Variants in PLXNA4 observed in about 807,000 individuals in gnomAD.
PLXNA4 encodes the protein plexin A4, also known as plexin-A4.
PLXNA4 carries 44 observed loss-of-function variants against 191.8 expected under a neutral mutation model. The observed-to-expected ratio is 0.23, with a 90% CI of 0.18 to 0.29. The LOEUF (loss-of-function observed/expected upper bound fraction) is 0.29. Ranked by LOEUF, PLXNA4 falls within the 10% of genes least tolerant of loss-of-function variation. The pLI, the probability that PLXNA4 is intolerant of heterozygous loss-of-function variation, is 1.00. For synonymous variants in PLXNA4, 1,082 were observed against 1,009.5 expected (o/e 1.07, Z -1.36); for missense variants, 1,800 against 2,488.8 (o/e 0.72, Z 5.89).
chr7:132,535,547 G>A (rs1326933877), intron 1 of PLXNA4, among the ~76,000 whole-genome samples: 1 of 152,070 alleles, frequency 6.6e-6, no homozygotes, highest in African/African-American at 2.4e-5. Context: ...AAGGAAAGGG[G>A]TCCCTTGGTA....
intron 4 of PLXNA4, among the ~76,000 whole-genome samples, chr7:132,297,457 C>A (rs775915385): frequency 6.6e-6 from 1 of 152,168 alleles, no homozygotes; most frequent in Non-Finnish European, 1.5e-5. Flanking sequence ...AAACTCACTT[C>A]GTTCTCAGCT....
At chr7:132,279,028 T>A (rs2116380793) in intron 4 of PLXNA4, among the ~76,000 whole-genome samples, 1 of 152,314 alleles carries the variant, frequency 6.6e-6, no homozygotes, top group Non-Finnish European at 1.5e-5. Flanking sequence ...TAACAATGAC[T>A]GAATAGTAAG....
At chr7:132,588,709 G>A (rs1402031123) in intron 2 of PLXNA4, among the ~76,000 whole-genome samples, 1 of 135,452 alleles carries the variant, frequency 7.4e-6, no homozygotes. Context: ...GGAGGGGAGA[G>A]GAAGAAAAAA....
chr7:132,497,122 G>GCACA (rs34913954), intron 2 of PLXNA4, among the ~76,000 whole-genome samples: 112,172 of 150,204 alleles, frequency 0.75, 43,695 homozygotes, highest in Non-Finnish European at 0.86. Context: ...GTGCACGCAC[G>GCACA]CACACACACA....
intron 13 of PLXNA4, among the ~76,000 whole-genome samples, chr7:132,195,637 A>T (rs1361312706): frequency 1.3e-5 from 2 of 152,168 alleles, no homozygotes; most frequent in African/African-American, 2.4e-5. Flanking sequence ...TGGGGGAAAA[A>T]ATCTCATTTT....
In PLXNA4 at chr7:132,439,464, A is replaced by G. The variant is rs996179987; in HGVS notation, c.1371+49828T>C. ...AAATACACAATATATCCATACATAC[A>G]TGTGCATGCATATACACACATATGC... On this transcript the variant is annotated intron_variant, in intron 3 of 31. Coordinates refer to ENST00000321063, the MANE Select transcript of PLXNA4 (RefSeq NM_020911.2). Among the ~76,000 whole-genome samples, 20 of 150,532 alleles carry G rather than the reference A, an allele frequency of 1.3e-4. No individual in the cohort carries two copies. The Admixed American group carries it at 1.3e-3, about 10-fold the overall frequency.
rs1803363545 is a variant in PLXNA4 at position 132,626,012 on chromosome 7, C to T, written c.-87+19916G>A. 2.0e-5 allele frequency among the ~76,000 whole-genome samples: 3 copies of T among 152,170 alleles called. 1 individual carries two copies. In the South Asian group the frequency reaches 6.2e-4, roughly 31 times the overall value. Reference sequence around the variant, plus strand: ...AAGCAGGTCTTCTCCCCTCACAGGCCTCTCTATTCAGTTTATCCCAAACTG... The same window carrying T: ...AAGCAGGTCTTCTCCCCTCACAGGCTTCTCTATTCAGTTTATCCCAAACTG... On this transcript the variant is annotated intron_variant, in intron 2 of 4. Transcript: ENST00000378539.
chr7:132,506,665 T>C (rs1264287733), intron 2 of PLXNA4, among the ~76,000 whole-genome samples: 1 of 152,186 alleles, frequency 6.6e-6, no homozygotes, highest in Non-Finnish European at 1.5e-5. Context: ...TGAGCTAGGC[T>C]GTGACAGGCA....
At chr7:132,378,253 T>C (rs1270036410) in intron 3 of PLXNA4, among the ~76,000 whole-genome samples, 1 of 152,202 alleles carries the variant, frequency 6.6e-6, no homozygotes, top group Non-Finnish European at 1.5e-5. Flanking sequence ...TCTAGTGTTC[T>C]CAAGTCGTGG....
At chr7:132,565,656 C>A (rs1443658865) in intron 1 of PLXNA4, among the ~76,000 whole-genome samples, 1 of 152,072 alleles carries the variant, frequency 6.6e-6, no homozygotes, top group Non-Finnish European at 1.5e-5. Context: ...TTCTGAGGAC[C>A]AAAGAGAATG....
chr7:132,464,174 C>T (rs968772132), intron 3 of PLXNA4, among the ~76,000 whole-genome samples: 20 of 152,152 alleles, frequency 1.3e-4, no homozygotes, highest in South Asian at 2.1e-4. Flanking sequence ...TGCTGAGATG[C>T]GAAAAATAAC....
At chr7:132,560,006 C>G (rs977596083) in intron 1 of PLXNA4, among the ~76,000 whole-genome samples, 1 of 152,318 alleles carries the variant, frequency 6.6e-6, no homozygotes, top group South Asian at 2.1e-4. Flanking sequence ...TGGCACTTGA[C>G]ACGCCTGGAC....
At chr7:132,343,666 T>A (rs1193357492) in intron 3 of PLXNA4, among the ~76,000 whole-genome samples, 1 of 152,106 alleles carries the variant, frequency 6.6e-6, no homozygotes, top group East Asian at 1.9e-4. Context: ...CGCCTGTAAA[T>A]CCAGCACTTT....
intron 14 of PLXNA4, among the ~76,000 whole-genome samples, chr7:132,191,772 A>ATCTCTCTCTCTCTC (rs145828587): frequency 0.068 from 9,730 of 142,624 alleles, 706 homozygotes; most frequent in African/African-American, 0.17. Flanking sequence ...TCCTCTCTCC[A>ATCTCTCTCTCTCTC]TCTCTCTCTC....
chr7:132,517,314 T>C (rs1798980082), intron 1 of PLXNA4, among the ~76,000 whole-genome samples: 1 of 152,176 alleles, frequency 6.6e-6, no homozygotes. Flanking sequence ...GACATTTCCA[T>C]GCCAAAGCAG....
At chr7:132,321,017 A>G (rs1802140976) in intron 3 of PLXNA4, among the ~76,000 whole-genome samples, 1 of 152,054 alleles carries the variant, frequency 6.6e-6, no homozygotes, top group Non-Finnish European at 1.5e-5. Context: ...GTTCCTGGCA[A>G]TCCCTTGCCA....
At chr7:132,185,217 C>A in intron 16 of PLXNA4, 82 bp downstream of exon 16, 2 of 1,514,482 alleles carry the variant, frequency 1.3e-6, no homozygotes, top group South Asian at 2.6e-5. Context: ...ACTGGGCCCC[C>A]AGAACTCTCC....
chr7:132,339,023 A>G (rs1802923704), intron 3 of PLXNA4, among the ~76,000 whole-genome samples: 1 of 152,208 alleles, frequency 6.6e-6, no homozygotes, highest in African/African-American at 2.4e-5. Flanking sequence ...ATGGAAGCCC[A>G]TGGACCCATC....
chr7:132,210,392 A>G lies in PLXNA4; in HGVS notation c.2298+551T>C, dbSNP rs537956765. ...GGCTTGGGCTTAATGTGGATTTGCC[A>G]CACATTGGGCAGGGTTTGCGCTGAT... On this transcript the variant is annotated intron_variant, in intron 10 of 31. Transcript: ENST00000321063. 4.3e-4 allele frequency among the ~76,000 whole-genome samples: 65 copies of G among 152,318 alleles called. 1 individual carries two copies. Among genetic ancestry groups the G allele is most frequent in the Non-Finnish European group, 6.6e-4 (45 of 68,024 alleles).
Sources: allele counts gnomAD v4.1 joint callset (sites outside exome capture counted in the v4.1 genomes callset), GRCh38; gene constraint gnomAD v4.1.1; transcripts MANE v1.5; gene names NCBI Gene and HGNC (gene_info 2026-07-23, HGNC 2026-07-21).